The following TMEM114 variants were observed in gnomAD, a reference collection of about 807,000 sequenced individuals.
TMEM114 encodes claudin-26.
Under a neutral mutation model 6.2 loss-of-function variants are expected in TMEM114, and 6 were observed. The observed-to-expected ratio is 0.97, with a 90% confidence interval of 0.53 to 1.91. The LOEUF is 1.91. Ranked by LOEUF, TMEM114 falls within the 40% of genes most tolerant of loss-of-function variation. The probability of loss-of-function intolerance (pLI) is 0.01; values close to 1 mark genes in which losing one functional copy is unlikely to be tolerated. For missense variants in TMEM114, 218 were observed against 158.3 expected (o/e 1.38, Z -2.02); for synonymous variants, 104 against 73.0 (o/e 1.42, Z -2.16).
intron 2 of TMEM114, among the ~76,000 whole-genome samples, chr16:8,560,168 A>AT (rs150493587): frequency 0.08 from 11,861 of 148,406 alleles, 553 homozygotes; most frequent in Middle Eastern, 0.19. Context: ...ATTTTTTATT[A>AT]TTTTTTTTTT....
At chr16:8,530,042 C>T in the TMEM114 span, among the ~76,000 whole-genome samples, 2 of 152,208 alleles carry the variant, frequency 1.3e-5, no homozygotes, top group African/African-American at 4.8e-5. Context: ...TTACTCCATA[C>T]CAATTCTATT....
downstream of TMEM114, among the ~76,000 whole-genome samples, chr16:8,565,514 G>A (rs117403279): frequency 3.2e-4 from 49 of 152,232 alleles, no homozygotes; most frequent in East Asian, 5.8e-3. Context: ...GACACGCGCC[G>A]TAGTCCCACT....
At chr16:8,557,210 G>A (rs981593792) in intron 2 of TMEM114, among the ~76,000 whole-genome samples, 5 of 152,246 alleles carry the variant, frequency 3.3e-5, no homozygotes, top group African/African-American at 1.2e-4. Flanking sequence ...TGTAACTGTG[G>A]CAGAAGGGAT....
intron 2 of TMEM114, among the ~76,000 whole-genome samples, chr16:8,550,195 T>C (rs1451931123): frequency 6.6e-6 from 1 of 152,236 alleles, no homozygotes. Context: ...TGGATGGTGT[T>C]TACCCACGTT....
At chr16:8,566,835 C>A (rs1316800391), downstream of TMEM114, among the ~76,000 whole-genome samples, 2 of 149,942 alleles carry the variant, frequency 1.3e-5, no homozygotes, top group Non-Finnish European at 2.9e-5. Context: ...TCCAAGAAGC[C>A]CTTTCTAATT....
chr16:8,578,790 G>A (rs1902031787), intron 2 of TMEM114, among the ~76,000 whole-genome samples: 1 of 152,180 alleles, frequency 6.6e-6, no homozygotes, highest in South Asian at 2.1e-4. Context: ...ACTAGCCTGG[G>A]CAACATGGTG....
At chr16:8,551,950 G>T (rs1316561204) in intron 2 of TMEM114, among the ~76,000 whole-genome samples, 1 of 152,178 alleles carries the variant, frequency 6.6e-6, no homozygotes, top group Non-Finnish European at 1.5e-5. Flanking sequence ...GATCTCAAAG[G>T]TATTATGCTG....
At chr16:8,568,614 A>T (rs936900657), downstream of TMEM114, among the ~76,000 whole-genome samples, 2 of 152,208 alleles carry the variant, frequency 1.3e-5, no homozygotes, top group African/African-American at 4.8e-5. Context: ...CATATTGTTG[A>T]TAATCGTGTT....
chr16:8,529,991 T>C, the TMEM114 span, among the ~76,000 whole-genome samples: 1 of 152,200 alleles, frequency 6.6e-6, no homozygotes, highest in Non-Finnish European at 1.5e-5. Context: ...TGACTGATGG[T>C]TCTAATTGTG....
intron 2 of TMEM114, among the ~76,000 whole-genome samples, chr16:8,542,483 G>T (rs184977648): frequency 1.3e-5 from 2 of 152,262 alleles, no homozygotes; most frequent in Non-Finnish European, 2.9e-5. Context: ...CTGATTTCAG[G>T]TTTGCAAAGG....
rs1596474148 is a variant in TMEM114, at chr16:8,556,001, C to T, written n.213-18175G>A. On this transcript the variant is annotated intron_variant and non_coding_transcript_variant, in intron 2 of 2. Transcript: ENST00000623677. ...CTGTCTTCCAGCATGAATTTACTAT[C>T]TACTCCCCTCCTTCAACACCACCTG... Among the ~76,000 whole-genome samples, 3 of 152,336 alleles carry T rather than the reference C, an allele frequency of 2.0e-5. No homozygotes were observed. In the Middle Eastern group the frequency reaches 0.01, roughly 518 times the overall value.
At chr16:8,536,229 A>T (rs1442474251), downstream of TMEM114, among the ~76,000 whole-genome samples, 1 of 152,078 alleles carries the variant, frequency 6.6e-6, no homozygotes, top group Non-Finnish European at 1.5e-5. Context: ...TGTCTCAAAA[A>T]AAAAAAAAAA....
downstream of TMEM114, among the ~76,000 whole-genome samples, chr16:8,533,505 T>G (rs1057232532): frequency 1.3e-5 from 2 of 152,212 alleles, no homozygotes; most frequent in Admixed American, 6.5e-5. Flanking sequence ...GGTCACAGGT[T>G]AGTATATTAT....
intron 2 of TMEM114, among the ~76,000 whole-genome samples, chr16:8,541,569 G>GCTTCA (rs147924071): frequency 0.1 from 15,398 of 152,128 alleles, 1,148 homozygotes; most frequent in African/African-American, 0.21. Context: ...ACAACATGAA[G>GCTTCA]CTTCATTCCA....
intron 3 of TMEM114, among the ~76,000 whole-genome samples, chr16:8,571,793 C>T (rs1156433296): frequency 6.6e-6 from 1 of 152,090 alleles, no homozygotes; most frequent in Admixed American, 6.5e-5. Flanking sequence ...AGCTCACAGC[C>T]CTAAAGCTTG....
intron 2 of TMEM114, among the ~76,000 whole-genome samples, chr16:8,555,018 C>A (rs1472175845): frequency 6.6e-6 from 1 of 152,232 alleles, no homozygotes; most frequent in Non-Finnish European, 1.5e-5. Context: ...AGGCAGCCTT[C>A]AGTACCAGGG....
At chr16:8,536,728 G>C (rs776620809), downstream of TMEM114, among the ~76,000 whole-genome samples, 8 of 151,754 alleles carry the variant, frequency 5.3e-5, no homozygotes, top group African/African-American at 1.9e-4. Flanking sequence ...CATGTACCAG[G>C]CATTTAGCTC....
chr16:8,549,657 T>A (rs1233726900), intron 2 of TMEM114, among the ~76,000 whole-genome samples: 1 of 152,036 alleles, frequency 6.6e-6, no homozygotes, highest in Non-Finnish European at 1.5e-5. Flanking sequence ...GAAAGATGGT[T>A]GTAATAGGAA....
At chr16:8,535,331 T>G (rs998344351), downstream of TMEM114, among the ~76,000 whole-genome samples, 1 of 152,168 alleles carries the variant, frequency 6.6e-6, no homozygotes, top group East Asian at 1.9e-4. Context: ...AGCCCTGAGA[T>G]AGCAGATAAA....
Sources: gnomAD v4.1 joint callset for allele counts (sites outside exome capture counted in the v4.1 genomes callset) on GRCh38, gnomAD v4.1.1 for gene constraint, MANE v1.5 for transcripts, NCBI Gene and HGNC (gene_info 2026-07-23, HGNC 2026-07-21) for gene names.